Variants in TRAPPC9 observed in about 807,000 individuals in gnomAD.
TRAPPC9 encodes trafficking protein particle complex subunit 9, also known as IKK2 binding protein.
In TRAPPC9, 83 loss-of-function variants were observed where a neutral mutation model predicts 124.0. The ratio of observed to expected loss-of-function variants is 0.67; its 90% CI spans 0.56 to 0.80. The LOEUF (loss-of-function observed/expected upper bound fraction) is 0.80. Ranked by LOEUF, TRAPPC9 falls within the 30% of genes least tolerant of loss-of-function variation. The pLI is 0.00. For missense variants in TRAPPC9, 1,302 were observed against 1,508.3 expected (o/e 0.86, Z 2.27); for synonymous variants, 638 against 617.5 (o/e 1.03, Z -0.49).
chr8:140,428,024 C>T (rs2070491785), intron 4 of TRAPPC9, among the ~76,000 whole-genome samples: 1 of 152,200 alleles, frequency 6.6e-6, no homozygotes. Context: ...CACCGCCACA[C>T]ACGCCACAAC....
chr8:140,089,525 G>C (rs558415014), intron 17 of TRAPPC9, among the ~76,000 whole-genome samples: 1 of 152,284 alleles, frequency 6.6e-6, no homozygotes, highest in South Asian at 2.1e-4. Flanking sequence ...CCACTAATGG[G>C]CTTGGATACC....
At chr8:140,168,492 A>G (rs2061892919) in intron 17 of TRAPPC9, among the ~76,000 whole-genome samples, 1 of 152,162 alleles carries the variant, frequency 6.6e-6, no homozygotes, top group African/African-American at 2.4e-5. Context: ...GTTTCCTATA[A>G]ACGGAATCAT....
chr8:139,958,172 G>A (rs1013742886), intron 19 of TRAPPC9, among the ~76,000 whole-genome samples: 4 of 152,210 alleles, frequency 2.6e-5, no homozygotes, highest in African/African-American at 7.2e-5. Flanking sequence ...CCAGAAGGAG[G>A]GAAGGAAAGT....
intron 17 of TRAPPC9, among the ~76,000 whole-genome samples, chr8:140,116,049 G>C (rs1022167006): frequency 8.5e-5 from 13 of 152,206 alleles, no homozygotes; most frequent in Non-Finnish European, 1.9e-4. Context: ...GTTCCCAGCA[G>C]AGGGGGCAGC....
intron 5 of TRAPPC9, among the ~76,000 whole-genome samples, chr8:140,420,258 T>C (rs2070153956): frequency 6.6e-6 from 1 of 152,134 alleles, no homozygotes; most frequent in Non-Finnish European, 1.5e-5. Context: ...TTACAAGATA[T>C]AATCTTCTTA....
chr8:140,260,476 G>A (rs543822047), intron 15 of TRAPPC9, among the ~76,000 whole-genome samples: 17 of 152,282 alleles, frequency 1.1e-4, no homozygotes, highest in South Asian at 2.1e-4. Context: ...GAACTCTGTC[G>A]CAGCCATGCA....
intron 21 of TRAPPC9, among the ~76,000 whole-genome samples, chr8:139,775,181 T>A (rs1164799711): frequency 6.6e-6 from 1 of 152,138 alleles, no homozygotes; most frequent in Non-Finnish European, 1.5e-5. Context: ...ACCCAGGGGC[T>A]CACAGGGCCA....
chr8:139,948,051 C>G (rs1834377699), intron 19 of TRAPPC9, among the ~76,000 whole-genome samples: 2 of 151,340 alleles, frequency 1.3e-5, no homozygotes, highest in South Asian at 4.2e-4. Flanking sequence ...GGGAACATTA[C>G]TGACCCACCC....
At chr8:140,070,203 C>A (rs920783002) in intron 17 of TRAPPC9, among the ~76,000 whole-genome samples, 1 of 152,194 alleles carries the variant, frequency 6.6e-6, no homozygotes, top group African/African-American at 2.4e-5. Context: ...TTTGCTAATA[C>A]AAATACACTT....
intron 18 of TRAPPC9, among the ~76,000 whole-genome samples, chr8:140,015,391 C>G (rs1411376813): frequency 6.6e-6 from 1 of 152,184 alleles, no homozygotes; most frequent in Non-Finnish European, 1.5e-5. Context: ...CACCTGTGAG[C>G]AAAATGAAAA....
At chr8:140,042,200 AGTGTATGTGTGTGTGT>A (rs1341906385) in intron 17 of TRAPPC9, among the ~76,000 whole-genome samples, 1 of 90,826 alleles carries the variant, frequency 1.1e-5, no homozygotes, top group East Asian at 2.6e-4. Flanking sequence ...AGCCCAAAAA[AGTGTATGTGTGTGTGT>A]GTGTGTGTGT....
intron 12 of TRAPPC9, among the ~76,000 whole-genome samples, chr8:140,288,224 T>TC (rs1563919069): frequency 6.6e-6 from 1 of 152,068 alleles, no homozygotes; most frequent in Non-Finnish European, 1.5e-5. Flanking sequence ...GCACCTGTGG[T>TC]CCCAACTACT....
chr8:140,178,385 A>C (rs1394600022), intron 17 of TRAPPC9, among the ~76,000 whole-genome samples: 1 of 152,114 alleles, frequency 6.6e-6, no homozygotes. Context: ...TCATTCTATT[A>C]ATATAGTGAA....
intron 9 of TRAPPC9, among the ~76,000 whole-genome samples, chr8:140,337,992 T>C (rs901415223): frequency 6.6e-6 from 1 of 152,090 alleles, no homozygotes; most frequent in Non-Finnish European, 1.5e-5. Context: ...AGGAGATAAA[T>C]CCTGAACGTT....
intron 10 of TRAPPC9, among the ~76,000 whole-genome samples, chr8:140,305,476 A>G (rs1217380285): frequency 6.6e-6 from 1 of 152,064 alleles, no homozygotes; most frequent in African/African-American, 2.4e-5. Flanking sequence ...AATTTTTTGT[A>G]TTTTTGGAAG....
At chr8:140,232,647 A>G (rs933097347) in intron 16 of TRAPPC9, among the ~76,000 whole-genome samples, 1 of 152,152 alleles carries the variant, frequency 6.6e-6, no homozygotes, top group African/African-American at 2.4e-5. Context: ...CGATCTCAAC[A>G]GCACGGAGGT....
intron 5 of TRAPPC9, among the ~76,000 whole-genome samples, chr8:140,421,549 A>G (rs2070209165): frequency 6.6e-6 from 1 of 152,212 alleles, no homozygotes; most frequent in South Asian, 2.1e-4. Context: ...CTTGTGAAAC[A>G]AACAACAGAT....
At chr8:140,021,301 C>A (rs759282934) in intron 18 of TRAPPC9, among the ~76,000 whole-genome samples, 2 of 152,180 alleles carry the variant, frequency 1.3e-5, no homozygotes, top group Non-Finnish European at 2.9e-5. Context: ...TTGCATGTAT[C>A]TTTAGCTGAT....
intron 19 of TRAPPC9, among the ~76,000 whole-genome samples, chr8:139,936,312 T>C (rs1225972674): frequency 1.3e-5 from 2 of 152,372 alleles, no homozygotes; most frequent in Non-Finnish European, 2.9e-5. Flanking sequence ...AGTGCGCTTC[T>C]TCATTCATAA....
Sources: gnomAD v4.1 joint callset for allele counts (sites outside exome capture counted in the v4.1 genomes callset) on GRCh38, gnomAD v4.1.1 for gene constraint, MANE v1.5 for transcripts, NCBI Gene and HGNC (gene_info 2026-07-23, HGNC 2026-07-21) for gene names.